The following PCGF5 variants were observed in gnomAD, a reference collection of about 807,000 sequenced individuals.
The protein encoded by PCGF5 is polycomb group ring finger 5, also known as polycomb group RING finger protein 5.
In PCGF5, 9 loss-of-function variants were observed where a neutral mutation model predicts 44.3. The ratio of observed to expected loss-of-function variants is 0.20; its 90% CI spans 0.12 to 0.35. The LOEUF (loss-of-function observed/expected upper bound fraction) is 0.35, where lower values mean the gene tolerates loss of function less well. Ranked by LOEUF, PCGF5 falls within the 10% of genes least tolerant of loss-of-function variation. The probability of loss-of-function intolerance (pLI) is 1.00; values close to 1 mark genes in which losing one functional copy is unlikely to be tolerated. For missense variants in PCGF5, 146 were observed against 305.3 expected (o/e 0.48, Z 3.89); for synonymous variants, 95 against 102.5 (o/e 0.93, Z 0.44).
At chr10:91,255,973 AC>A (rs1280070305) in intron 6 of PCGF5, among the ~76,000 whole-genome samples, 1 of 152,148 alleles carries the variant, frequency 6.6e-6, no homozygotes, top group Non-Finnish European at 1.5e-5. Flanking sequence ...AGTTGTTAAT[AC>A]TATATTATTT....
chr10:91,216,815 A>G (rs980388952), upstream of PCGF5, among the ~76,000 whole-genome samples: 4 of 152,238 alleles, frequency 2.6e-5, no homozygotes, highest in Admixed American at 2.0e-4. Flanking sequence ...CCATTCATAC[A>G]TCATTGATTT....
At chr10:91,220,646 G>T (rs940160016), upstream of PCGF5, 4 of 151,272 alleles carry the variant, frequency 2.6e-5, no homozygotes, top group Non-Finnish European at 5.9e-5. Context: ...CCTGGGCCCC[G>T]AGGCCCGCCG....
the PCGF5 span, among the ~76,000 whole-genome samples, chr10:91,156,654 A>G: frequency 6.6e-6 from 1 of 152,178 alleles, no homozygotes; most frequent in Non-Finnish European, 1.5e-5. Context: ...TAAGGATATT[A>G]TGAAAGGCAA....
upstream of PCGF5, among the ~76,000 whole-genome samples, chr10:91,162,732 C>A (rs1843408276): frequency 6.6e-6 from 1 of 151,380 alleles, no homozygotes; most frequent in South Asian, 2.1e-4. Context: ...TCGAGGAGGC[C>A]TGGCGGGCGG....
At chr10:91,257,322 T>C (rs1189285016) in intron 6 of PCGF5, among the ~76,000 whole-genome samples, 3 of 152,078 alleles carry the variant, frequency 2.0e-5, no homozygotes, top group Non-Finnish European at 4.4e-5. Context: ...TGTTAGAGAA[T>C]GTGGACAAAT....
chr10:91,197,073 G>A (rs1291124185), intron 1 of PCGF5, among the ~76,000 whole-genome samples: 1 of 152,316 alleles, frequency 6.6e-6, no homozygotes. Flanking sequence ...CCAGTTAATG[G>A]CATGTCCTGG....
At chr10:91,166,947 T>A (rs1231248754) in intron 1 of PCGF5, among the ~76,000 whole-genome samples, 1 of 152,118 alleles carries the variant, frequency 6.6e-6, no homozygotes, top group African/African-American at 2.4e-5. Flanking sequence ...CTCTCAGAAG[T>A]TTCAGTTTTT....
intron 1 of PCGF5, among the ~76,000 whole-genome samples, chr10:91,209,474 A>AATTGGAGGATATCTGCT (rs1589369490): frequency 2.6e-5 from 1 of 38,422 alleles, no homozygotes; most frequent in African/African-American, 1.4e-4. Context: ...AAGAAAAAGG[A>AATTGGAGGATATCTGCT]GGCCGGGCGC....
intron 1 of PCGF5, among the ~76,000 whole-genome samples, chr10:91,205,853 G>A (rs1038904456): frequency 5.9e-5 from 9 of 152,160 alleles, no homozygotes; most frequent in Admixed American, 2.6e-4. Context: ...AGCCAGGCAC[G>A]GTGGTGGATG....
At chr10:91,160,022 C>T (rs965122755), upstream of PCGF5, among the ~76,000 whole-genome samples, 5 of 152,108 alleles carry the variant, frequency 3.3e-5, no homozygotes, top group Admixed American at 6.5e-5. Context: ...ATCTGTGTTT[C>T]GGAATAGTCT....
intron 1 of PCGF5, among the ~76,000 whole-genome samples, chr10:91,197,322 T>G (rs1844153557): frequency 1.3e-5 from 2 of 152,102 alleles, no homozygotes; most frequent in Admixed American, 1.3e-4. Context: ...CTCGGGCACG[T>G]CCCTCTCTCT....
At chr10:91,260,181 A>T (rs893826221) in intron 6 of PCGF5, among the ~76,000 whole-genome samples, 1 of 152,184 alleles carries the variant, frequency 6.6e-6, no homozygotes, top group Non-Finnish European at 1.5e-5. Flanking sequence ...AAAAGAAGAC[A>T]TATATGCAGC....
chr10:91,259,906 C>A (rs1365502159), intron 6 of PCGF5, among the ~76,000 whole-genome samples: 18 of 151,868 alleles, frequency 1.2e-4, no homozygotes, highest in Non-Finnish European at 2.2e-4. Flanking sequence ...TAGGCATGGG[C>A]AAGGACTTCA....
chr10:91,211,852 GCTT>G (rs1564634621), intron 1 of PCGF5, among the ~76,000 whole-genome samples: 2 of 152,008 alleles, frequency 1.3e-5, no homozygotes, highest in Non-Finnish European at 2.9e-5. Flanking sequence ...AGGTTATAGA[GCTT>G]ATCTGGAACC....
intron 1 of PCGF5, among the ~76,000 whole-genome samples, chr10:91,166,606 A>G (rs1266602104): frequency 6.6e-6 from 1 of 152,158 alleles, no homozygotes; most frequent in Non-Finnish European, 1.5e-5. Flanking sequence ...ATAATTATTT[A>G]CTGGAGAAAC....
In PCGF5 at chr10:91,280,440, A is replaced by T. The variant is rs532023872; in HGVS notation, c.*2124A>T. ...GTCATATGTAATTTCACTATTTTCC[A>T]AGGAAATATATAGGAAGCAATTATG... On this transcript the variant is annotated 3_prime_UTR_variant, in exon 10 of 10. Transcript: ENST00000336126. The T allele has an allele frequency of 6.6e-6, 1 of 152,472 alleles. No homozygotes were observed. The highest frequency in any genetic ancestry group is 2.1e-4 in the South Asian group (1 of 4,836). The allele number at this position is 152,472 out of a possible 1,614,324, so 9.4% of individuals were successfully genotyped here. A position where few individuals can be genotyped will look rare whatever the true frequency, so the allele number is the denominator to read the frequency against.
At chr10:91,231,034 G>T (rs1486147095) in intron 2 of PCGF5, among the ~76,000 whole-genome samples, 1 of 152,122 alleles carries the variant, frequency 6.6e-6, no homozygotes, top group Non-Finnish European at 1.5e-5. Context: ...ACAGGCATGA[G>T]CCACCAGTGC....
chr10:91,186,605 T>TATAC (rs139494441), intron 1 of PCGF5, among the ~76,000 whole-genome samples: 2 of 151,028 alleles, frequency 1.3e-5, no homozygotes, highest in South Asian at 2.1e-4. Context: ...TGTGTATATA[T>TATAC]ACACACATAT....
intron 2 of PCGF5, among the ~76,000 whole-genome samples, chr10:91,231,721 G>T (rs1455208262): frequency 6.6e-6 from 1 of 152,166 alleles, no homozygotes; most frequent in African/African-American, 2.4e-5. Context: ...TTGAGTAGAA[G>T]AATTATATGA....
Sources: gnomAD v4.1 joint callset for allele counts (sites outside exome capture counted in the v4.1 genomes callset) on GRCh38, gnomAD v4.1.1 for gene constraint, MANE v1.5 for transcripts, NCBI Gene and HGNC (gene_info 2026-07-23, HGNC 2026-07-21) for gene names.